SZT2: variants seen among roughly 807,000 people sequenced by gnomAD.
The protein encoded by SZT2 is SZT2 subunit of KICSTOR complex.
In SZT2, 216 loss-of-function variants were observed where a neutral mutation model predicts 404.2. The observed-to-expected ratio is 0.53, with a 90% CI of 0.48 to 0.60. The LOEUF (loss-of-function observed/expected upper bound fraction) is 0.60. Ranked by LOEUF, SZT2 falls within the 20% of genes least tolerant of loss-of-function variation. SZT2 has a pLI of 0.00. For missense variants in SZT2, 3,857 were observed against 4,459.2 expected (o/e 0.86, Z 3.85); for synonymous variants, 1,693 against 1,749.9 (o/e 0.97, Z 0.81).
rs1367221202 is a variant in SZT2, at chr1:43,420,669, G to T, written c.1262-80G>T. 8.8e-6 allele frequency: 12 copies of T among 1,364,210 alleles called. No homozygotes were observed. Among genetic ancestry groups the T allele is most frequent in the South Asian group, 6.3e-5 (5 of 78,980 alleles). 84.5% of individuals were successfully genotyped at this position (1,364,210 alleles called of 1,614,324 possible). ...GGCAGGACTGGGTTCCATGAGGTAGGTGGGGGTTTCAGATAGAACTCGATC... is the reference window on the plus strand; with the variant it reads ...GGCAGGACTGGGTTCCATGAGGTAGTTGGGGGTTTCAGATAGAACTCGATC... On this transcript the variant is annotated intron_variant, in intron 9 of 71. Coordinates refer to ENST00000634258, the MANE Select transcript of SZT2 (RefSeq NM_001365999.1). The surrounding 1 kb of genome is among the most constrained non-coding windows in gnomAD (Gnocchi z 5.1).
At chr1:43,440,298 A>G (rs1395750421) in intron 51 of SZT2, among the ~76,000 whole-genome samples, 155 bp from the exon 52 acceptor site, 1 of 152,190 alleles carries the variant, frequency 6.6e-6, no homozygotes, top group Non-Finnish European at 1.5e-5. Flanking sequence ...ACTTCACACA[A>G]ACACATGCAG....
chr1:43,426,964 T>C lies in SZT2; in HGVS notation c.3310-92T>C, dbSNP rs1303834612. On this transcript the variant is annotated intron_variant, in intron 23 of 71. Coordinates refer to ENST00000634258, the MANE Select transcript of SZT2 (RefSeq NM_001365999.1). The surrounding 1 kb of genome is among the most constrained non-coding windows in gnomAD (Gnocchi z 4.9). ...CCATTGTCCTGGATCTTTCAAGCTATACCTAAGATGAGTCAGCTCTAGGGT... is the reference window on the plus strand; with the variant it reads ...CCATTGTCCTGGATCTTTCAAGCTACACCTAAGATGAGTCAGCTCTAGGGT... 4 of 1,579,348 alleles carry C rather than the reference T, an allele frequency of 2.5e-6. No homozygotes were observed. Among genetic ancestry groups the C allele is most frequent in the African/African-American group, 2.7e-5 (2 of 74,060 alleles).
At chr1:43,393,556 C>T (rs12126199) in intron 1 of SZT2, among the ~76,000 whole-genome samples, 13,365 of 152,152 alleles carry the variant, frequency 0.088, 1,199 homozygotes, top group African/African-American at 0.23. Flanking sequence ...ATGCTAGAGG[C>T]TCAGGACTTT....
intron 1 of SZT2, among the ~76,000 whole-genome samples, chr1:43,399,937 ATTATT>A (rs558254050): frequency 6.6e-6 from 1 of 151,652 alleles, no homozygotes; most frequent in South Asian, 2.1e-4. Flanking sequence ...TCATTTTATT[ATTATT>A]TTTATTTATT....
Position 43,447,951 on chromosome 1 carries a change from G to A in SZT2, c.9543G>A (p.Glu3181=), listed in dbSNP as rs1389503700. Residue 3181 remains glutamate, a synonymous_variant, in exon 68 of 72, where the codon GAG becomes GAA. Coordinates refer to ENST00000634258, the MANE Select transcript of SZT2 (RefSeq NM_001365999.1). ...CTGCACCCTTTGAGGAGCAAGGAGA[G>A]GCTGAGCGGCACGTTCTGCGGTCAG... is the stretch of plus-strand genomic sequence containing the variant. The part of the protein sequence containing the change: ...HCAAPFEEQG[E]AERHVLRLQF... The A allele has an allele frequency of 1.9e-6, 3 of 1,613,858 alleles. No individual in the cohort carries two copies. Among genetic ancestry groups the A allele is most frequent in the Non-Finnish European group, 1.7e-6 (2 of 1,180,022 alleles).
chr1:43,437,321 G>A lies in SZT2; in HGVS notation c.6185G>A (p.Arg2062Gln), dbSNP rs200443293. The A allele has an allele frequency of 5.7e-5, 92 of 1,614,142 alleles. No individual in the cohort carries two copies. In the Admixed American group the frequency reaches 1.1e-3, roughly 20 times the overall value. ...ATGGGGCCCAGCATGGGGGTCTCTC[G>A]GGGTATGTGATTGGCATGAGAGGGC... is the stretch of plus-strand genomic sequence containing the variant. The part of the protein sequence containing the change: ...LKMGPSMGVS[R>Q]AIQALRSVLN... The change falls in exon 43 of 72, where the codon CGG (arginine) becomes CAG (glutamine). Residue 2062 changes from arginine to glutamine, a missense_variant and splice_region_variant. Physicochemically the swap from Arg to Gln is conservative, Grantham distance 43. This residue lies in a region of SZT2 where 261 missense variants were observed against 372.9 expected (regional missense o/e 0.70). Coordinates refer to ENST00000634258, the MANE Select transcript of SZT2 (RefSeq NM_001365999.1). This position sits in a 1 kb window ranked among gnomAD's most constrained non-coding sequence, Gnocchi z 5.3.
At position 43,422,556 on chromosome 1, in the gene SZT2, T is replaced by A. The variant is rs1159475378; in HGVS notation, c.1846T>A (p.Ser616Thr). The change falls in exon 13 of 72, where the codon TCC (serine) becomes ACC (threonine). Residue 616 changes from serine (S) to threonine (T), a missense_variant. Physicochemically the swap from Ser to Thr is moderately conservative, Grantham distance 58. This residue lies in a region of SZT2 where 1,725 missense variants were observed against 1,881.0 expected (regional missense o/e 0.92). Transcript: ENST00000634258. ...TATCCAGTGCAGGATCTCCCACTCCTCCCTGACCTCTCTGCTGCGGGACTG... is the reference window on the plus strand; with the variant it reads ...TATCCAGTGCAGGATCTCCCACTCCACCCTGACCTCTCTGCTGCGGGACTG... ...STIQCRISHS[S>T]LTSLLRDWSS... 6.3e-7 allele frequency: 1 copy of A among 1,598,036 alleles called. No individual in the cohort carries two copies. The highest frequency in any genetic ancestry group is 8.5e-7 in the Non-Finnish European group (1 of 1,179,710).
Position 43,425,325 on chromosome 1 carries a change from G to A in SZT2, c.2645+118G>A. On this transcript the variant is annotated intron_variant, in intron 18 of 71. Transcript: ENST00000634258. This position sits in a 1 kb window ranked among gnomAD's most constrained non-coding sequence, Gnocchi z 4.3. ...TTGATCCCAAAGTCAGGGAGGGGGT[G>A]CGGTGTTTAGATGCTTCATCAGGCA... is the stretch of plus-strand genomic sequence containing the variant. The A allele has an allele frequency of 6.6e-7, 1 of 1,507,394 alleles. No homozygotes were observed. The highest frequency in any genetic ancestry group is 9.1e-7 in the Non-Finnish European group (1 of 1,099,422). 93.4% of individuals were successfully genotyped at this position (1,507,394 alleles called of 1,614,324 possible). A position where few individuals can be genotyped will look rare whatever the true frequency, so the allele number is the denominator to read the frequency against.
rs1656771820 is a variant in SZT2, at chr1:43,454,096, C to A, written c.*3616C>A. 15 of 1,086,162 alleles carry A rather than the reference C, an allele frequency of 1.4e-5. No homozygotes were observed. The highest frequency in any genetic ancestry group is 1.1e-5 in the Non-Finnish European group (10 of 892,754). 67.3% of individuals were successfully genotyped at this position (1,086,162 alleles called of 1,614,324 possible). On this transcript the variant is annotated 3_prime_UTR_variant, in exon 72 of 72. Coordinates refer to ENST00000634258, the MANE Select transcript of SZT2 (RefSeq NM_001365999.1). ...CAGGGCCTGAGAGCCGGACGCGAAG[C>A]AAGAGAGAGCTGGCTGCCCGAGGGC...
chr1:43,450,510 G>A lies in SZT2; in HGVS notation c.*30G>A. 3 of 1,613,096 alleles carry A rather than the reference G, an allele frequency of 1.9e-6. No individual in the cohort carries two copies. Among genetic ancestry groups the A allele is most frequent in the East Asian group, 2.2e-5 (1 of 44,858 alleles). ...GTGGACTGGACCACTGAATGTCACTGTTCCTTGAATCATGGGCCTACCAGA... is the reference window on the plus strand; with the variant it reads ...GTGGACTGGACCACTGAATGTCACTATTCCTTGAATCATGGGCCTACCAGA... On this transcript the variant is annotated 3_prime_UTR_variant, in exon 72 of 72. Coordinates refer to ENST00000634258, the MANE Select transcript of SZT2 (RefSeq NM_001365999.1). This position sits in a 1 kb window ranked among gnomAD's most constrained non-coding sequence, Gnocchi z 4.3.
Position 43,439,145 on chromosome 1 carries a change from C to T in SZT2, c.6792+52C>T. On this transcript the variant is annotated intron_variant, in intron 48 of 71. Transcript: ENST00000634258. The surrounding 1 kb of genome is among the most constrained non-coding windows in gnomAD (Gnocchi z 4.2). The stretch of plus-strand genomic sequence containing the variant: ...ACTCATGTGCACCCCTGCCCCCTGC[C>T]CCACGCACTTACTCTTTCCTACCGA... The T allele has an allele frequency of 1.2e-6, 2 of 1,609,440 alleles. No individual in the cohort carries two copies. Among genetic ancestry groups the T allele is most frequent in the African/African-American group, 1.3e-5 (1 of 75,000 alleles).
chr1:43,446,059 G>C, intron 63 of SZT2, 75 bp downstream of exon 63: 1 of 1,584,508 alleles, frequency 6.3e-7, no homozygotes, highest in Non-Finnish European at 8.7e-7. Flanking sequence ...GACCCTGAGT[G>C]ATGTACCGAG....
chr1:43,430,995 T>C lies in SZT2; in HGVS notation c.4821T>C (p.Val1607=). ...AGGGCCCCCCAGTTGGAGGCCGAGT[T>C]CCCTTGAGGGACCTCAGTGTGACTC... ...SLEGPPVGGR[V]PLRDLSVTLD... Residue 1607 remains valine, a synonymous_variant, in exon 33 of 72, where the codon GTT becomes GTC. Transcript: ENST00000634258. 1 of 1,614,142 alleles carries C rather than the reference T, an allele frequency of 6.2e-7. No homozygotes were observed.
Position 43,429,632 on chromosome 1 carries a change from C to T in SZT2, c.4167-71C>T, listed in dbSNP as rs777455563. The T allele has an allele frequency of 1.7e-4, 267 of 1,595,866 alleles. 1 individual carries two copies. The highest frequency in any genetic ancestry group is 4.2e-4 in the Admixed American group (25 of 59,828). ...CAAAAAGGCTTCCTGTGCTGCTCCC[C>T]AGTTGAGAGGCAGGCTACTTCAGAG... On this transcript the variant is annotated intron_variant, in intron 28 of 71. Coordinates refer to ENST00000634258, the MANE Select transcript of SZT2 (RefSeq NM_001365999.1).
At chr1:43,415,492 C>T (rs144722651) in intron 5 of SZT2, among the ~76,000 whole-genome samples, 343 of 152,206 alleles carry the variant, frequency 2.3e-3, no homozygotes, top group Non-Finnish European at 3.3e-3. Context: ...GGTGATTATG[C>T]GTGGCTTTGA....
intron 4 of SZT2, among the ~76,000 whole-genome samples, chr1:43,413,391 A>G (rs1281225102): frequency 6.6e-6 from 1 of 152,192 alleles, no homozygotes; most frequent in African/African-American, 2.4e-5. Flanking sequence ...CAAACAAAAA[A>G]CAAAACAAAA....
At chr1:43,421,645 A>C (rs2153932371) in intron 11 of SZT2, among the ~76,000 whole-genome samples, 1 of 152,302 alleles carries the variant, frequency 6.6e-6, no homozygotes, top group Non-Finnish European at 1.5e-5. Flanking sequence ...GTGTGCATCC[A>C]CCACCAGCCA....
Position 43,442,152 on chromosome 1 carries a change from G to T in SZT2, c.7873+22G>T. The T allele has an allele frequency of 7.6e-7, 1 of 1,315,242 alleles. No individual in the cohort carries two copies. The highest frequency in any genetic ancestry group is 1.1e-6 in the Non-Finnish European group (1 of 933,214). 81.5% of individuals were successfully genotyped at this position (1,315,242 alleles called of 1,614,324 possible). A position where few individuals can be genotyped will look rare whatever the true frequency, so the allele number is the denominator to read the frequency against. On this transcript the variant is annotated intron_variant, in intron 56 of 71. Coordinates refer to ENST00000634258, the MANE Select transcript of SZT2 (RefSeq NM_001365999.1). The surrounding 1 kb of genome is among the most constrained non-coding windows in gnomAD (Gnocchi z 4.5). The stretch of plus-strand genomic sequence containing the variant: ...CAGGGTGAGGGCATGGCCCGGGGGG[G>T]CGGGGGGCGGGTAGGCTAAGAGTAA...
chr1:43,402,670 G>C (rs1199494308), intron 1 of SZT2, among the ~76,000 whole-genome samples: 35 of 152,184 alleles, frequency 2.3e-4, no homozygotes, highest in Non-Finnish European at 4.4e-5. Context: ...GAAGTGCGGG[G>C]GTGGGGACTG....
Sources: gnomAD v4.1 joint callset for allele counts (sites outside exome capture counted in the v4.1 genomes callset) on GRCh38, gnomAD v4.1.1 for gene constraint, gnomAD v4.1.1 regional missense constraint, Gnocchi (gnomAD v3.1) non-coding constraint, MANE v1.5 for transcripts, NCBI Gene and HGNC (gene_info 2026-07-23, HGNC 2026-07-21) for gene names.